The following ATP2C2 variants were observed in gnomAD, a reference collection of about 807,000 sequenced individuals.
ATP2C2 encodes ATPase secretory pathway Ca2+ transporting 2.
In ATP2C2, 171 loss-of-function variants were observed where a neutral mutation model predicts 110.8. The ratio of observed to expected loss-of-function variants is 1.54; its 90% CI spans 1.36 to 1.75. The LOEUF (loss-of-function observed/expected upper bound fraction) is 1.75. ATP2C2 is among the 40% of genes most tolerant of loss of function. The probability of loss-of-function intolerance (pLI) is 0.00; values close to 1 mark genes in which losing one functional copy is unlikely to be tolerated. For synonymous variants in ATP2C2, 804 were observed against 508.4 expected (o/e 1.58, Z -7.82); for missense variants, 1,963 against 1,235.0 (o/e 1.59, Z -8.84).
At chr16:84,397,511 C>G (rs1335018928) in intron 1 of ATP2C2, among the ~76,000 whole-genome samples, 1 of 151,174 alleles carries the variant, frequency 6.6e-6, no homozygotes, top group Non-Finnish European at 1.5e-5. Context: ...CCTGTCCCTA[C>G]AAAATATTAA....
chr16:84,436,501 G>C (rs1344910720), intron 11 of ATP2C2, among the ~76,000 whole-genome samples: 1 of 152,200 alleles, frequency 6.6e-6, no homozygotes, highest in Non-Finnish European at 1.5e-5. Context: ...GGTGTGGTGA[G>C]AGACAGTGGC....
At chr16:84,442,157 G>A (rs897824456) in intron 14 of ATP2C2, among the ~76,000 whole-genome samples, 3 of 152,210 alleles carry the variant, frequency 2.0e-5, no homozygotes, top group Non-Finnish European at 2.9e-5. Flanking sequence ...CAATTCAGTG[G>A]TTTCAATTTG....
intron 26 of ATP2C2, among the ~76,000 whole-genome samples, chr16:84,463,331 A>G (rs1343010797): frequency 6.6e-6 from 1 of 152,078 alleles, no homozygotes; most frequent in Non-Finnish European, 1.5e-5. Context: ...AAGGAAACTC[A>G]TTCCCCTTCC....
At chr16:84,445,081 G>C (rs954539765) in intron 15 of ATP2C2, among the ~76,000 whole-genome samples, 2 of 152,194 alleles carry the variant, frequency 1.3e-5, no homozygotes, top group Non-Finnish European at 2.9e-5. Flanking sequence ...CCGTCTCCCA[G>C]TTTCTGGGTG....
At chr16:84,382,755 G>T (rs1448503817) in intron 1 of ATP2C2, among the ~76,000 whole-genome samples, 1 of 152,188 alleles carries the variant, frequency 6.6e-6, no homozygotes, top group Non-Finnish European at 1.5e-5. Flanking sequence ...ATTTAGCCAG[G>T]CATGGTGGCG....
At chr16:84,434,371 G>A (rs1908557019) in intron 11 of ATP2C2, among the ~76,000 whole-genome samples, 1 of 151,614 alleles carries the variant, frequency 6.6e-6, no homozygotes, top group African/African-American at 2.4e-5. Flanking sequence ...AGCCGAGATT[G>A]CACCGCTGCA....
At chr16:84,373,841 C>G (rs139858254) in intron 1 of ATP2C2, among the ~76,000 whole-genome samples, 6 of 152,324 alleles carry the variant, frequency 3.9e-5, no homozygotes, top group East Asian at 3.9e-4. Flanking sequence ...GTTCTTTAAA[C>G]TCTTTTGAAC....
chr16:84,461,610 T>C (rs1597891188), intron 24 of ATP2C2, 104 bp from the exon 25 acceptor site: 2 of 1,031,816 alleles, frequency 1.9e-6, no homozygotes, highest in Non-Finnish European at 3.0e-6. Context: ...TGTAAGTGGC[T>C]CCCAGCCATG....
intron 3 of ATP2C2, among the ~76,000 whole-genome samples, chr16:84,405,465 C>T (rs1905681648): frequency 1.3e-5 from 2 of 151,958 alleles, no homozygotes; most frequent in African/African-American, 4.8e-5. Context: ...TTGAGCAGGC[C>T]CCGGGCCCCA....
chr16:84,453,210 G>A lies in ATP2C2; in HGVS notation c.1904G>A (p.Gly635Asp), dbSNP rs745367123. 1.9e-6 allele frequency: 3 copies of A among 1,613,888 alleles called. No homozygotes were observed. Among genetic ancestry groups the A allele is most frequent in the South Asian group, 2.2e-5 (2 of 91,074 alleles). The change falls in exon 19 of 27, where the codon GGC becomes GAC. Residue 635 changes from glycine to aspartate, a missense_variant. By Grantham distance (94) the Gly-to-Asp change is moderately conservative. Transcript: ENST00000262429. ...SGEEVDSVEK[G>D]ELADRVGKVS... ...GAGGAGGTGGACAGCGTGGAGAAGGGCGAGCTGGCCGACCGCGTGGGGAAG... is the reference window on the plus strand; with the variant it reads ...GAGGAGGTGGACAGCGTGGAGAAGGACGAGCTGGCCGACCGCGTGGGGAAG...
chr16:84,396,238 G>A lies in ATP2C2; in HGVS notation c.100-2261G>A, dbSNP rs568842337. The stretch of plus-strand genomic sequence containing the variant: ...AAGCATCGGGCGTGTGTGTGTGTGT[G>A]TGTGAGATGGGATTTATGTGTTTCG... On this transcript the variant is annotated intron_variant, in intron 1 of 26. Coordinates refer to ENST00000262429, the MANE Select transcript of ATP2C2 (RefSeq NM_014861.4). Among the ~76,000 whole-genome samples the A allele has an allele frequency of 2.0e-5, 3 of 152,076 alleles. No homozygotes were observed. In the South Asian group the frequency reaches 6.2e-4, roughly 32 times the overall value.
At chr16:84,461,217 C>G (rs1567468255) in intron 24 of ATP2C2, 7 of 258,452 alleles carry the variant, frequency 2.7e-5, no homozygotes, top group Non-Finnish European at 4.4e-5. Context: ...GTTCAGGGAG[C>G]TCTATGCCAG....
intron 11 of ATP2C2, among the ~76,000 whole-genome samples, chr16:84,433,201 G>T (rs1908431866): frequency 6.6e-6 from 1 of 152,022 alleles, no homozygotes; most frequent in African/African-American, 2.4e-5. Flanking sequence ...ACAACATAGT[G>T]AGACTGTCTG....
intron 1 of ATP2C2, among the ~76,000 whole-genome samples, chr16:84,393,470 C>A (rs16963568): frequency 0.15 from 22,361 of 151,996 alleles, 1,854 homozygotes; most frequent in African/African-American, 0.22. Context: ...GGCTATGTCC[C>A]GGTGGCCTTG....
intron 1 of ATP2C2, among the ~76,000 whole-genome samples, chr16:84,385,542 A>T (rs1904307655): frequency 6.6e-6 from 1 of 152,176 alleles, no homozygotes; most frequent in African/African-American, 2.4e-5. Flanking sequence ...ATTCATTGAT[A>T]TCAGTAGGAA....
At chr16:84,416,586 C>T (rs1427546677) in intron 7 of ATP2C2, among the ~76,000 whole-genome samples, 1 of 152,106 alleles carries the variant, frequency 6.6e-6, no homozygotes, top group Admixed American at 6.5e-5. Flanking sequence ...GAGGCAGGGG[C>T]CAGGGCTTAT....
At chr16:84,403,910 C>T (rs1322626066) in intron 2 of ATP2C2, among the ~76,000 whole-genome samples, 2 of 152,286 alleles carry the variant, frequency 1.3e-5, no homozygotes, top group African/African-American at 2.4e-5. Flanking sequence ...AGGCTGCTCT[C>T]GAACTCCCGA....
chr16:84,427,640 C>T (rs888427447), intron 11 of ATP2C2, among the ~76,000 whole-genome samples: 1 of 152,126 alleles, frequency 6.6e-6, no homozygotes, highest in Non-Finnish European at 1.5e-5. Flanking sequence ...TCGCTTGAGC[C>T]CGGGAGGTGG....
At chr16:84,402,775 T>C (rs949573933) in intron 2 of ATP2C2, among the ~76,000 whole-genome samples, 3 of 152,212 alleles carry the variant, frequency 2.0e-5, no homozygotes, top group Non-Finnish European at 4.4e-5. Context: ...TGTCTTTGTC[T>C]GGTTTTGGTA....
Sources: allele counts gnomAD v4.1 joint callset (sites outside exome capture counted in the v4.1 genomes callset), GRCh38; gene constraint gnomAD v4.1.1; transcripts MANE v1.5; gene names NCBI Gene and HGNC (gene_info 2026-07-23, HGNC 2026-07-21).